Variants in AGPS observed in about 807,000 individuals in gnomAD.
AGPS encodes the protein alkyldihydroxyacetonephosphate synthase, peroxisomal.
In AGPS, 26 loss-of-function variants were observed where a neutral mutation model predicts 90.7. That is an observed-to-expected ratio of 0.29 (90% CI 0.21 to 0.40). The LOEUF (loss-of-function observed/expected upper bound fraction) is 0.40. AGPS is among the 10% of genes least tolerant of loss of function. The pLI is 1.00. For synonymous variants in AGPS, 294 were observed against 285.3 expected, an observed-to-expected ratio of 1.03 and a Z score of -0.31; for missense variants, 540 against 816.1, an observed-to-expected ratio of 0.66 and a Z score of 4.12.
intron 2 of AGPS, among the ~76,000 whole-genome samples, chr2:177,424,030 T>G (rs1686008311): frequency 6.6e-6 from 1 of 152,184 alleles, no homozygotes. Context: ...GGTGGTTTGC[T>G]GCACAGATCA....
intron 1 of AGPS, among the ~76,000 whole-genome samples, chr2:177,419,430 A>T (rs1369616248): frequency 6.6e-6 from 1 of 151,896 alleles, no homozygotes; most frequent in East Asian, 1.9e-4. Context: ...GCCAAGATCA[A>T]ACTAGGGTAC....
chr2:177,470,733 AAAAG>A (rs1182497817), intron 10 of AGPS, among the ~76,000 whole-genome samples: 1 of 151,530 alleles, frequency 6.6e-6, no homozygotes, highest in Non-Finnish European at 1.5e-5. Context: ...AAAGAAAAAA[AAAAG>A]AAATATTTAA....
intron 10 of AGPS, among the ~76,000 whole-genome samples, chr2:177,475,019 A>G (rs1421729643): frequency 1.3e-5 from 2 of 152,216 alleles, no homozygotes; most frequent in African/African-American, 4.8e-5. Flanking sequence ...ATGAATTTCA[A>G]TCTTGTGAGT....
chr2:177,541,545 A>G lies in AGPS; in HGVS notation c.*3350A>G, dbSNP rs2079235268. 2 of 152,200 alleles carry G rather than the reference A, an allele frequency of 1.3e-5. No homozygotes were observed. The highest frequency in any genetic ancestry group is 2.1e-4 in the South Asian group (1 of 4,836). 9.4% of individuals were successfully genotyped at this position (152,200 alleles called of 1,614,324 possible). ...ATGGAATGCTGTGGAAAGCATATCT[A>G]TATCTTAAAAAACACTCAGACAGGA... On this transcript the variant is annotated 3_prime_UTR_variant, in exon 20 of 20. Coordinates refer to ENST00000264167, the MANE Select transcript of AGPS (RefSeq NM_003659.4).
intron 3 of AGPS, among the ~76,000 whole-genome samples, chr2:177,435,362 G>A (rs575186255): frequency 2.3e-4 from 35 of 152,054 alleles, no homozygotes; most frequent in Non-Finnish European, 4.0e-4. Context: ...ACTTTTCCTA[G>A]ACGTCTCTTA....
At chr2:177,537,685 A>G (rs182929992) in intron 19 of AGPS, among the ~76,000 whole-genome samples, 129 of 152,222 alleles carry the variant, frequency 8.5e-4, no homozygotes, top group Non-Finnish European at 1.6e-3. Context: ...ATTCGTCTCA[A>G]TGTGATGTTT....
chr2:177,519,288 TAG>T (rs1410575454), intron 17 of AGPS, among the ~76,000 whole-genome samples: 1 of 152,180 alleles, frequency 6.6e-6, no homozygotes, highest in Non-Finnish European at 1.5e-5. Context: ...TTGTTTTACC[TAG>T]AACAATATCT....
At chr2:177,484,480 A>G (rs958583132) in intron 11 of AGPS, among the ~76,000 whole-genome samples, 1 of 151,504 alleles carries the variant, frequency 6.6e-6, no homozygotes, top group Admixed American at 6.6e-5. Flanking sequence ...AGTAGCTGGG[A>G]TTATAGGCGA....
chr2:177,396,536 T>A (rs1052942004), intron 1 of AGPS, among the ~76,000 whole-genome samples: 1 of 152,054 alleles, frequency 6.6e-6, no homozygotes, highest in Non-Finnish European at 1.5e-5. Context: ...CAGATTGGGT[T>A]TGGGTTTGAG....
chr2:177,466,184 G>A (rs1290484039), intron 9 of AGPS, among the ~76,000 whole-genome samples: 1 of 152,056 alleles, frequency 6.6e-6, no homozygotes, highest in Non-Finnish European at 1.5e-5. Flanking sequence ...ACAGTGGGTA[G>A]CTCCTCTCCA....
chr2:177,462,861 C>T (rs1687341953), intron 9 of AGPS, among the ~76,000 whole-genome samples: 1 of 152,052 alleles, frequency 6.6e-6, no homozygotes, highest in Non-Finnish European at 1.5e-5. Context: ...TTGGTATCCT[C>T]GAAGGTCCTA....
intron 10 of AGPS, among the ~76,000 whole-genome samples, chr2:177,481,138 T>C (rs993772028): frequency 6.6e-6 from 1 of 152,134 alleles, no homozygotes; most frequent in Non-Finnish European, 1.5e-5. Flanking sequence ...ACTTTTAAAT[T>C]TCTTGCGTTA....
rs764082619 is a variant in AGPS, at chr2:177,521,349, C to T, written c.1778C>T (p.Thr593Ile). The change falls in exon 18 of 20, where the codon ACC (threonine) becomes ATC (isoleucine). Residue 593 changes from threonine (T) to isoleucine (I), a missense_variant. Around this residue, in one of 2 missense-constraint regions of AGPS, gnomAD observed 405 missense variants for 692.1 expected, o/e 0.59. Coordinates refer to ENST00000264167, the MANE Select transcript of AGPS (RefSeq NM_003659.4). ...FNYRGISDPL[T>I]VFEQTEAAAR... The stretch of plus-strand genomic sequence containing the variant: ...TACAGGGGAATTAGTGACCCACTGA[C>T]CGTATTTGAACAAACTGAGGTAATT... 6 of 1,613,792 alleles carry T rather than the reference C, an allele frequency of 3.7e-6. No homozygotes were observed. The highest frequency in any genetic ancestry group is 1.1e-5 in the South Asian group (1 of 91,080).
chr2:177,460,895 AATAG>A (rs1346107526), intron 8 of AGPS, among the ~76,000 whole-genome samples: 1 of 152,360 alleles, frequency 6.6e-6, no homozygotes, highest in East Asian at 1.9e-4. Flanking sequence ...GCAAAATTAG[AATAG>A]ATAGAGAATT....
At chr2:177,491,452 T>A (rs1395440223) in intron 11 of AGPS, among the ~76,000 whole-genome samples, 1 of 147,372 alleles carries the variant, frequency 6.8e-6, no homozygotes, top group South Asian at 2.2e-4. Context: ...TTTTTTTGTA[T>A]TTTTAGTAGA....
intron 9 of AGPS, among the ~76,000 whole-genome samples, chr2:177,466,586 C>T (rs1410385051): frequency 2.0e-5 from 3 of 152,244 alleles, no homozygotes; most frequent in Admixed American, 6.5e-5. Flanking sequence ...AAGCTGCCCT[C>T]AGCCAGCACT....
intron 11 of AGPS, among the ~76,000 whole-genome samples, chr2:177,492,436 G>T (rs1029662045): frequency 6.6e-6 from 1 of 152,100 alleles, no homozygotes; most frequent in Non-Finnish European, 1.5e-5. Flanking sequence ...TTTTCCTTTA[G>T]TATTTTTGGA....
intron 19 of AGPS, among the ~76,000 whole-genome samples, chr2:177,529,296 T>G (rs1285135059): frequency 6.6e-6 from 1 of 151,798 alleles, no homozygotes; most frequent in African/African-American, 2.4e-5. Context: ...CAAGACTCTA[T>G]CTCTACAAAA....
chr2:177,527,591 T>C (rs2079100140), intron 19 of AGPS, among the ~76,000 whole-genome samples: 1 of 152,202 alleles, frequency 6.6e-6, no homozygotes, highest in Non-Finnish European at 1.5e-5. Flanking sequence ...TGGTTGCTTT[T>C]ATACTTCCTG....
Sources: allele counts gnomAD v4.1 joint callset (sites outside exome capture counted in the v4.1 genomes callset), GRCh38; gene constraint gnomAD v4.1.1; regional missense constraint gnomAD v4.1.1; transcripts MANE v1.5; gene names NCBI Gene and HGNC (gene_info 2026-07-23, HGNC 2026-07-21).